Variants in ACACA observed in about 807,000 individuals in gnomAD.
The protein encoded by ACACA is acetyl-CoA carboxylase 1.
A neutral mutation model predicts 296.1 loss-of-function variants in ACACA; 103 were observed. That is an observed-to-expected ratio of 0.35 (90% confidence interval 0.30 to 0.41). The LOEUF is 0.41. Ranked by LOEUF, ACACA falls within the 10% of genes least tolerant of loss-of-function variation. The probability of loss-of-function intolerance (pLI) is 1.00; values close to 1 mark genes in which losing one functional copy is unlikely to be tolerated. For synonymous variants in ACACA, 953 were observed against 1,038.6 expected (o/e 0.92, Z 1.58); for missense variants, 1,554 against 2,989.7 (o/e 0.52, Z 11.20).
chr17:37,282,180 C>T (rs1244434959), intron 5 of ACACA, among the ~76,000 whole-genome samples: 1 of 152,140 alleles, frequency 6.6e-6, no homozygotes, highest in South Asian at 2.1e-4. Flanking sequence ...TACGTGAGTT[C>T]TCACTCTAAG....
At chr17:37,332,275 T>G (rs1401976425) in intron 2 of ACACA, among the ~76,000 whole-genome samples, 1 of 150,404 alleles carries the variant, frequency 6.6e-6, no homozygotes, top group Non-Finnish European at 1.5e-5. Context: ...AACAGCAACA[T>G]TCATTCTCTT....
chr17:37,120,745 T>C (rs538062146), intron 50 of ACACA, among the ~76,000 whole-genome samples: 64 of 151,182 alleles, frequency 4.2e-4, no homozygotes, highest in African/African-American at 1.5e-3. Flanking sequence ...CCCTGTAGTG[T>C]CCACAGTCGC....
chr17:37,366,625 C>T (rs754552280), intron 1 of ACACA, among the ~76,000 whole-genome samples: 19 of 151,910 alleles, frequency 1.3e-4, no homozygotes, highest in South Asian at 2.1e-4. Context: ...CCTGCCACCA[C>T]GCCTGGCTAA....
At chr17:37,345,848 G>A (rs887617582) in intron 1 of ACACA, among the ~76,000 whole-genome samples, 1 of 152,142 alleles carries the variant, frequency 6.6e-6, no homozygotes, top group Non-Finnish European at 1.5e-5. Flanking sequence ...AGATTAATGA[G>A]ACATGACCAC....
At chr17:37,252,790 A>G in intron 15 of ACACA, 96 bp downstream of exon 15, 1 of 1,522,720 alleles carries the variant, frequency 6.6e-7, no homozygotes, top group Non-Finnish European at 9.0e-7. Context: ...AGAACCATTT[A>G]CATTAGAATC....
intron 52 of ACACA, among the ~76,000 whole-genome samples, chr17:37,103,980 C>G (rs2073520197): frequency 2.0e-5 from 3 of 152,156 alleles, no homozygotes; most frequent in South Asian, 4.1e-4. Context: ...GGAGTTCAAG[C>G]TGCGGTGAAC....
rs1291408261 is a variant in ACACA at position 37,086,559 on chromosome 17, C to T, written c.*757G>A. The T allele has an allele frequency of 6.6e-6, 1 of 152,564 alleles. No homozygotes were observed. Among genetic ancestry groups the T allele is most frequent in the Non-Finnish European group, 1.5e-5 (1 of 68,334 alleles). 9.5% of individuals were successfully genotyped at this position (152,564 alleles called of 1,614,324 possible). On this transcript the variant is annotated 3_prime_UTR_variant, in exon 56 of 56. Transcript: ENST00000616317. ...CTCCCAGCCACATGCGACAGCTAGT[C>T]CAGCAGTGACGTGCAGGCGAGAGGC...
At chr17:37,144,163 C>T in intron 45 of ACACA, 1 of 746,860 alleles carries the variant, frequency 1.3e-6, no homozygotes, top group Admixed American at 1.7e-5. Context: ...CCTCTCTGAG[C>T]ACTTCTTAGA....
chr17:37,300,919 G>A (rs922824822), intron 3 of ACACA, among the ~76,000 whole-genome samples: 23 of 152,246 alleles, frequency 1.5e-4, no homozygotes, highest in African/African-American at 5.5e-4. Flanking sequence ...CGTCTCTTCA[G>A]AATAACCTGT....
At chr17:37,298,471 T>C (rs926812674) in intron 3 of ACACA, among the ~76,000 whole-genome samples, 5 of 151,970 alleles carry the variant, frequency 3.3e-5, no homozygotes, top group Non-Finnish European at 4.4e-5. Context: ...TGCTTGAGTA[T>C]AGGAGTTTGA....
chr17:37,223,192 T>C (rs1225192963), intron 28 of ACACA, among the ~76,000 whole-genome samples: 1 of 152,238 alleles, frequency 6.6e-6, no homozygotes, highest in Non-Finnish European at 1.5e-5. Context: ...ATCAGCCATA[T>C]ATTTTCGCTT....
intron 41 of ACACA, among the ~76,000 whole-genome samples, chr17:37,169,074 A>C (rs2076792376): frequency 6.6e-6 from 1 of 152,194 alleles, no homozygotes; most frequent in Non-Finnish European, 1.5e-5. Flanking sequence ...TAGGCAGGGA[A>C]GGTACTCATT....
chr17:37,221,371 G>T, intron 29 of ACACA: 5 of 329,672 alleles, frequency 1.5e-5, no homozygotes, highest in Non-Finnish European at 2.3e-5. Context: ...TATTTTTTTG[G>T]TCTAATTGCT....
rs535682589 is a variant in ACACA at position 37,362,923 on chromosome 17, T to C, written c.39-23073A>G. 2.0e-4 allele frequency among the ~76,000 whole-genome samples: 28 copies of C among 139,564 alleles called. No individual in the cohort carries two copies. In the East Asian group the frequency reaches 5.6e-3, roughly 28 times the overall value. The allele number at this position is 139,564 out of a possible 152,430, so 91.6% of individuals were successfully genotyped here. A position where few individuals can be genotyped will look rare whatever the true frequency, so the allele number is the denominator to read the frequency against. On this transcript the variant is annotated intron_variant, in intron 1 of 55. Coordinates refer to ENST00000616317, the MANE Select transcript of ACACA (RefSeq NM_198834.3). ...CCGGGAGGCGGAGCTTGCAGTAAGCTGAGATCGCGCCACTGCACTCCAGCC... is the reference window on the plus strand; with the variant it reads ...CCGGGAGGCGGAGCTTGCAGTAAGCCGAGATCGCGCCACTGCACTCCAGCC...
At chr17:37,194,041 T>C (rs2077879873) in intron 35 of ACACA, among the ~76,000 whole-genome samples, 3 of 151,880 alleles carry the variant, frequency 2.0e-5, no homozygotes, top group South Asian at 4.1e-4. Flanking sequence ...TAGGGCATTA[T>C]ACAAAAAAAA....
intron 3 of ACACA, among the ~76,000 whole-genome samples, chr17:37,289,975 G>A (rs1229930826): frequency 6.6e-6 from 1 of 152,144 alleles, no homozygotes; most frequent in East Asian, 1.9e-4. Context: ...CATCCCTTGA[G>A]GTCAGAGATT....
intron 39 of ACACA, 82 bp downstream of exon 39, chr17:37,188,195 G>A (rs557956332): frequency 1.8e-5 from 24 of 1,319,998 alleles, no homozygotes; most frequent in Non-Finnish European, 2.1e-5. Context: ...GGATTTGTGA[G>A]TGTGGGTCTT....
chr17:37,346,115 T>G (rs1446982515), intron 1 of ACACA, among the ~76,000 whole-genome samples: 1 of 152,090 alleles, frequency 6.6e-6, no homozygotes, highest in African/African-American at 2.4e-5. Flanking sequence ...GTTTTATAGT[T>G]TAGTTACTAT....
At chr17:37,154,430 GCAGA>G (rs1394509009) in intron 43 of ACACA, among the ~76,000 whole-genome samples, 3 of 152,094 alleles carry the variant, frequency 2.0e-5, no homozygotes, top group Non-Finnish European at 4.4e-5. Context: ...TAGCCCAAGA[GCAGA>G]CAGACAGAAC....
Sources: allele counts gnomAD v4.1 joint callset (sites outside exome capture counted in the v4.1 genomes callset), GRCh38; gene constraint gnomAD v4.1.1; transcripts MANE v1.5; gene names NCBI Gene and HGNC (gene_info 2026-07-23, HGNC 2026-07-21).